NOTCH2: variants seen among roughly 807,000 people sequenced by gnomAD.
NOTCH2 encodes notch receptor 2, also known as neurogenic locus notch homolog protein 2.
NOTCH2 carries 29 observed loss-of-function variants against 235.8 expected under a neutral mutation model. The observed-to-expected ratio is 0.12, with a 90% CI of 0.09 to 0.17. The LOEUF (loss-of-function observed/expected upper bound fraction) is 0.17. Among genes scored for constraint, NOTCH2 ranks in the 10% least tolerant of loss-of-function variants. The pLI, the probability that NOTCH2 is intolerant of heterozygous loss-of-function variation, is 1.00. For synonymous variants in NOTCH2, 1,086 were observed against 1,141.5 expected (o/e 0.95, Z 0.98); for missense variants, 2,285 against 3,150.2 (o/e 0.73, Z 6.57).
intron 17 of NOTCH2, among the ~76,000 whole-genome samples, chr1:119,946,324 C>T (rs1553197036): frequency 6.6e-6 from 1 of 152,034 alleles, no homozygotes; most frequent in African/African-American, 2.4e-5. Context: ...CAGCATTGCC[C>T]TCTTATCACA....
intron 18 of NOTCH2, among the ~76,000 whole-genome samples, chr1:119,941,321 A>C (rs1391338492): frequency 1.3e-5 from 2 of 152,190 alleles, no homozygotes; most frequent in East Asian, 3.8e-4. Flanking sequence ...AACCATCCCT[A>C]TAAACTTTGC....
rs201584590 is a variant in NOTCH2 at position 119,916,427 on chromosome 1, T to C, written c.6295A>G (p.Met2099Val). 22 of 1,614,056 alleles carry C rather than the reference T, an allele frequency of 1.4e-5. No homozygotes were observed. In the East Asian group the frequency reaches 4.5e-4, roughly 33 times the overall value. The change falls in exon 34 of 34, where the codon ATG (methionine) becomes GTG (valine). Residue 2099 changes from methionine (M) to valine (V), a missense_variant. Met to Val is a conservative substitution (Grantham distance 21, BLOSUM62 1). Transcript: ENST00000256646. ...RSFLSLKHTP[M>V]GKKSRRPSAK... is the part of the protein sequence containing the mutation. ...CTGGGCCGTCTAGACTTCTTGCCCA[T>C]TGGGGTGTGCTTCAGGCTGAGGAAA...
chr1:119,935,309 A>G, intron 22 of NOTCH2, 163 bp downstream of exon 22: 1 of 1,572,600 alleles, frequency 6.4e-7, no homozygotes. Flanking sequence ...CTAGCAAGAG[A>G]TGGGAGAATA....
At chr1:119,987,143 G>C in intron 4 of NOTCH2, 61 bp from the exon 5 acceptor site, 1 of 1,600,114 alleles carries the variant, frequency 6.2e-7, no homozygotes, top group Middle Eastern at 1.7e-4. Flanking sequence ...GACCTGCTCT[G>C]TTCCCACAGA....
At chr1:120,028,864 T>C (rs754950764) in intron 2 of NOTCH2, among the ~76,000 whole-genome samples, 2 of 150,890 alleles carry the variant, frequency 1.3e-5, no homozygotes, top group African/African-American at 4.9e-5. Flanking sequence ...ATAAAAAGAA[T>C]GGATACATAT....
rs1222953868 is a variant in NOTCH2, at chr1:120,037,783, TTC to T, written c.74-7798_74-7797del. ...GATATTATCATATAGAAAGTGTGTT[TTC>T]TACCTAAGAGATGCTAGTATCAGAT... is the stretch of plus-strand genomic sequence containing the variant. On this transcript the variant is annotated intron_variant, in intron 1 of 33. Transcript: ENST00000256646. Among the ~76,000 whole-genome samples the T allele has an allele frequency of 6.1e-4, 92 of 151,912 alleles. 1 individual carries two copies. The highest frequency in any genetic ancestry group is 2.1e-3 in the African/African-American group (87 of 41,508).
chr1:120,031,175 C>T (rs112884732), intron 1 of NOTCH2, among the ~76,000 whole-genome samples: 88 of 145,950 alleles, frequency 6.0e-4, no homozygotes, highest in East Asian at 5.0e-3. Context: ...TCCCTGGCCA[C>T]GAAACCAGTA....
Position 119,967,505 on chromosome 1 carries a change from G to A in NOTCH2, c.1381C>T (p.His461Tyr). The A allele has an allele frequency of 6.2e-7, 1 of 1,614,120 alleles. No individual in the cohort carries two copies. Among genetic ancestry groups the A allele is most frequent in the Non-Finnish European group, 8.5e-7 (1 of 1,179,978 alleles). The change falls in exon 8 of 34, where the codon CAT (histidine) becomes TAT (tyrosine). Residue 461 changes from histidine to tyrosine, a missense_variant. By Grantham distance (83) the His-to-Tyr change is moderately conservative (BLOSUM62 2). Coordinates refer to ENST00000256646, the MANE Select transcript of NOTCH2 (RefSeq NM_024408.4). ...PRCEMDINEC[H>Y]SDPCQNDATC... ...GCATCATTCTGGCAGGGGTCTGAAT[G>A]GCACTCATTGATGTCCATCTCACAA...
intron 1 of NOTCH2, among the ~76,000 whole-genome samples, chr1:120,065,184 A>T (rs1655458213): frequency 6.6e-6 from 1 of 152,218 alleles, no homozygotes; most frequent in East Asian, 1.9e-4. Flanking sequence ...GGAAGGGAAA[A>T]ATTTGGTTTT....
At chr1:120,023,112 G>C (rs1254103190) in intron 2 of NOTCH2, among the ~76,000 whole-genome samples, 3 of 151,816 alleles carry the variant, frequency 2.0e-5, no homozygotes, top group African/African-American at 7.3e-5. Context: ...TAGGAATCAG[G>C]ACTCAAACTT....
Position 119,916,160 on chromosome 1 carries a change from C to T in NOTCH2, c.6562G>A (p.Ala2188Thr), listed in dbSNP as rs139052054. ...TGGGCATGGACTGGGGCAGGAGGGG[C>T]GGCAGTGGCCAACATAGGGTTGGGT... ...ASPNPMLATA[A>T]PPAPVHAQHA... The change falls in exon 34 of 34, where the codon GCC becomes ACC. Residue 2188 changes from alanine to threonine, a missense_variant. Ala to Thr is a moderately conservative substitution (Grantham distance 58). Around this residue, in one of 6 missense-constraint regions of NOTCH2, gnomAD observed 504 missense variants for 538.0 expected, o/e 0.94. Transcript: ENST00000256646. The T allele has an allele frequency of 2.5e-5, 40 of 1,614,154 alleles. No individual in the cohort carries two copies. The highest frequency in any genetic ancestry group is 1.5e-4 in the Admixed American group (9 of 60,020).
Position 119,969,563 on chromosome 1 carries a change from G to A in NOTCH2, c.1056C>T (p.Thr352=). ...CAFASCTPGS[T]CIDRVASFSC... The stretch of plus-strand genomic sequence containing the variant: ...AGAAGGAGGCCACACGGTCGATGCA[G>A]GTGGAGCCTGGAGTACAGGAGGCGA... Residue 352 remains threonine, a synonymous_variant, in exon 6 of 34, where the codon ACC becomes ACT. Transcript: ENST00000256646. 1 of 1,614,068 alleles carries A rather than the reference G, an allele frequency of 6.2e-7. No homozygotes were observed. The highest frequency in any genetic ancestry group is 8.5e-7 in the Non-Finnish European group (1 of 1,179,992).
At chr1:119,963,868 A>G in intron 10 of NOTCH2, 61 bp from the exon 11 acceptor site, 1 of 1,372,534 alleles carries the variant, frequency 7.3e-7, no homozygotes, top group Non-Finnish European at 1.0e-6. Flanking sequence ...ACACCAGAAC[A>G]CAAGTGTAGC....
At chr1:119,932,973 T>C (rs782490620) in intron 22 of NOTCH2, among the ~76,000 whole-genome samples, 1 of 152,198 alleles carries the variant, frequency 6.6e-6, no homozygotes, top group Non-Finnish European at 1.5e-5. Context: ...ACACTTTTGG[T>C]CTATATGCAT....
intron 5 of NOTCH2, among the ~76,000 whole-genome samples, chr1:119,982,222 A>G (rs1271963935): frequency 6.6e-6 from 1 of 152,240 alleles, no homozygotes; most frequent in African/African-American, 2.4e-5. Context: ...AGCTGAGAGA[A>G]AGTGTGGTCA....
Position 120,069,313 on chromosome 1 carries a change from G to C in NOTCH2, c.73+21C>G, listed in dbSNP as rs367580725. 280 of 1,552,884 alleles carry C rather than the reference G, an allele frequency of 1.8e-4. 1 individual carries two copies. In the African/African-American group the frequency reaches 3.4e-3, roughly 19 times the overall value. ...GGCAGCCCCGGGCGCCGCGGACAGCGCCCCTCAGCCCGATACTCACCATGC... is the reference window on the plus strand; with the variant it reads ...GGCAGCCCCGGGCGCCGCGGACAGCCCCCCTCAGCCCGATACTCACCATGC... On this transcript the variant is annotated intron_variant, in intron 1 of 33. Coordinates refer to ENST00000256646, the MANE Select transcript of NOTCH2 (RefSeq NM_024408.4).
At chr1:119,937,148 A>G (rs587605651) in intron 21 of NOTCH2, 134 bp downstream of exon 21, 2 of 899,664 alleles carry the variant, frequency 2.2e-6, no homozygotes, top group East Asian at 5.1e-5. Context: ...AGTGGTAAAC[A>G]TTATGACGGG....
chr1:119,948,414 T>C lies in NOTCH2; in HGVS notation c.2752A>G (p.Asn918Asp), dbSNP rs1241117933. 2 of 1,614,154 alleles carry C rather than the reference T, an allele frequency of 1.2e-6. No individual in the cohort carries two copies. The highest frequency in any genetic ancestry group is 4.5e-5 in the East Asian group (2 of 44,878). The stretch of plus-strand genomic sequence containing the variant: ...CTTAAGAGCTGACTGGCATACTCAC[T>C]GGCAAGGCAGTCATCAATGTCCTCC... ...CEEDIDDCLA[N>D]PCQNGGSCMD... Residue 918 changes from asparagine to aspartate, a missense_variant and splice_region_variant, in exon 17 of 34, where the codon AAT becomes GAT. Asn to Asp is a conservative substitution (Grantham distance 23). Around this residue, in one of 6 missense-constraint regions of NOTCH2, gnomAD observed 1,173 missense variants for 1,515.3 expected, o/e 0.77. Coordinates refer to ENST00000256646, the MANE Select transcript of NOTCH2 (RefSeq NM_024408.4).
At chr1:119,979,009 C>T (rs781845334) in intron 5 of NOTCH2, among the ~76,000 whole-genome samples, 1 of 152,306 alleles carries the variant, frequency 6.6e-6, no homozygotes, top group East Asian at 1.9e-4. Flanking sequence ...GGAGCTAATA[C>T]ATTTTAGAAA....
Sources: allele counts gnomAD v4.1 joint callset (sites outside exome capture counted in the v4.1 genomes callset), GRCh38; gene constraint gnomAD v4.1.1; regional missense constraint gnomAD v4.1.1; transcripts MANE v1.5; gene names NCBI Gene and HGNC (gene_info 2026-07-23, HGNC 2026-07-21).